R3HDM1: variants seen among roughly 807,000 people sequenced by gnomAD.
R3HDM1 encodes R3H domain-containing protein 1.
Under a neutral mutation model 141.1 loss-of-function variants are expected in R3HDM1, and 46 were observed. The observed-to-expected ratio is 0.33, with a 90% CI of 0.26 to 0.42. The LOEUF is 0.42. Among genes scored for constraint, R3HDM1 ranks in the 10% least tolerant of loss-of-function variants. The pLI is 1.00. For missense variants in R3HDM1, 1,184 were observed against 1,368.3 expected (o/e 0.87, Z 2.12); for synonymous variants, 435 against 472.9 (o/e 0.92, Z 1.04).
chr2:135,619,900 T>C (rs529891098), intron 5 of R3HDM1: 29 of 185,842 alleles, frequency 1.6e-4, no homozygotes, highest in African/African-American at 5.7e-4. Flanking sequence ...AGTAAAGGAA[T>C]TGCAGTTTCC....
chr2:135,600,091 A>G (rs1228443064), intron 1 of R3HDM1, among the ~76,000 whole-genome samples: 1 of 150,660 alleles, frequency 6.6e-6, no homozygotes, highest in Non-Finnish European at 1.5e-5. Context: ...AGAAGAATAC[A>G]AAGTTCGTAT....
At chr2:135,702,443 A>G (rs2074349515) in intron 21 of R3HDM1, among the ~76,000 whole-genome samples, 1 of 151,886 alleles carries the variant, frequency 6.6e-6, no homozygotes, top group African/African-American at 2.4e-5. Flanking sequence ...GGCGGATCAC[A>G]AGGTCAGGAG....
rs2105248665 is a variant in R3HDM1, at chr2:135,641,717, C to A, written c.1401C>A (p.Ser467Arg). 6.2e-7 allele frequency: 1 copy of A among 1,614,136 alleles called. No individual in the cohort carries two copies. The highest frequency in any genetic ancestry group is 8.5e-7 in the Non-Finnish European group (1 of 1,179,986). Residue 467 changes from serine to arginine, a missense_variant, in exon 15 of 27, where the codon AGC becomes AGA. Ser to Arg is a moderately radical substitution (Grantham distance 110). Transcript: ENST00000683871. ...TAAATGGGCAAGTCGCATCTCCTAG[C>A]ACTAGCTTCTTTTTGCTTCCCTTGG... is the stretch of plus-strand genomic sequence containing the variant. ...GGLNGQVASP[S>R]TSFFLLPLEA...
intron 14 of R3HDM1, among the ~76,000 whole-genome samples, chr2:135,641,154 G>T (rs564282786): frequency 6.6e-6 from 1 of 152,234 alleles, no homozygotes; most frequent in Admixed American, 6.5e-5. Flanking sequence ...TGGGCATTTT[G>T]CTGTACTAAA....
intron 19 of R3HDM1, among the ~76,000 whole-genome samples, chr2:135,671,895 A>G (rs1371948269): frequency 6.6e-6 from 1 of 151,930 alleles, no homozygotes; most frequent in Non-Finnish European, 1.5e-5. Context: ...AGAATTACTT[A>G]AACCCAGGAG....
intron 24 of R3HDM1, among the ~76,000 whole-genome samples, chr2:135,718,938 G>A (rs979955145): frequency 1.3e-5 from 2 of 152,038 alleles, no homozygotes; most frequent in South Asian, 2.1e-4. Context: ...AGGAGGTCAC[G>A]AGTTTGAGAC....
chr2:135,561,622 T>A (rs7605881), intron 1 of R3HDM1, among the ~76,000 whole-genome samples: 4,810 of 151,894 alleles, frequency 0.032, 244 homozygotes, highest in African/African-American at 0.11. Context: ...GGAGGCTCAG[T>A]TGGAAGCATC....
At chr2:135,646,761 A>C (rs923410966) in intron 16 of R3HDM1, among the ~76,000 whole-genome samples, 1 of 151,534 alleles carries the variant, frequency 6.6e-6, no homozygotes, top group Non-Finnish European at 1.5e-5. Context: ...AGGCAGGAGA[A>C]TCACTTGAAC....
chr2:135,715,794 A>G lies in R3HDM1; in HGVS notation c.2881+100A>G, dbSNP rs1182843010. 10 of 1,400,308 alleles carry G rather than the reference A, an allele frequency of 7.1e-6. No homozygotes were observed. The South Asian group carries it at 9.8e-5, about 14-fold the overall frequency. 86.7% of individuals were successfully genotyped at this position (1,400,308 alleles called of 1,614,324 possible). A position where few individuals can be genotyped will look rare whatever the true frequency, so the allele number is the denominator to read the frequency against. On this transcript the variant is annotated intron_variant, in intron 24 of 26. Coordinates refer to ENST00000683871, the MANE Select transcript of R3HDM1 (RefSeq NM_001378107.1). ...TGGTAATATTGCCTTTCTATTTTCC[A>G]TAGAGCTGCATCTTCACCTACACTC... is the stretch of plus-strand genomic sequence containing the variant.
intron 21 of R3HDM1, among the ~76,000 whole-genome samples, chr2:135,681,690 C>T (rs72970218): frequency 0.042 from 6,314 of 152,126 alleles, 451 homozygotes; most frequent in African/African-American, 0.15. Flanking sequence ...CCCTCTGACG[C>T]CAAAAGGTCA....
At chr2:135,576,990 A>T in intron 1 of R3HDM1, 2 of 590,682 alleles carry the variant, frequency 3.4e-6, no homozygotes, top group Non-Finnish European at 4.3e-6. Context: ...GAATGAATTT[A>T]AATGGATGAA....
At chr2:135,612,004 C>G (rs542971736) in intron 3 of R3HDM1, among the ~76,000 whole-genome samples, 1 of 152,296 alleles carries the variant, frequency 6.6e-6, no homozygotes, top group African/African-American at 2.4e-5. Context: ...TCTCCACATA[C>G]TTTTCGTTAG....
chr2:135,658,780 TTATTC>T (rs1260282341), intron 18 of R3HDM1, among the ~76,000 whole-genome samples: 12 of 152,340 alleles, frequency 7.9e-5, no homozygotes, highest in Admixed American at 6.5e-4. Flanking sequence ...CTTTATATCC[TTATTC>T]TAAAGTCTTC....
At chr2:135,652,239 G>A (rs1014432731) in intron 18 of R3HDM1, among the ~76,000 whole-genome samples, 1 of 152,192 alleles carries the variant, frequency 6.6e-6, no homozygotes, top group Non-Finnish European at 1.5e-5. Context: ...GGTTGGTAAA[G>A]TATGTGAGCT....
chr2:135,654,118 T>A (rs958474536), intron 18 of R3HDM1, among the ~76,000 whole-genome samples: 1 of 152,170 alleles, frequency 6.6e-6, no homozygotes. Context: ...TGTTAGGCAG[T>A]TGCTACTTGT....
intron 1 of R3HDM1, chr2:135,581,508 A>G (rs1182099322): frequency 1.6e-6 from 1 of 615,512 alleles, no homozygotes; most frequent in Non-Finnish European, 2.0e-6. Context: ...ATCTTTCCTC[A>G]CCACTTATTA....
intron 26 of R3HDM1, 24 bp downstream of exon 26, chr2:135,722,577 A>G: frequency 6.2e-7 from 1 of 1,602,828 alleles, no homozygotes; most frequent in Non-Finnish European, 8.5e-7. Context: ...GGGCAACTAG[A>G]TGTGGGTCTG....
intron 18 of R3HDM1, among the ~76,000 whole-genome samples, chr2:135,659,015 C>T (rs1372245653): frequency 1.3e-5 from 2 of 149,744 alleles, no homozygotes; most frequent in Non-Finnish European, 2.9e-5. Context: ...ACAATGCCTT[C>T]TTCTGAAATA....
Position 135,632,002 on chromosome 2 carries a change from G to A in R3HDM1, c.698+1G>A. 1 of 1,596,964 alleles carries A rather than the reference G, an allele frequency of 6.3e-7. No individual in the cohort carries two copies. The highest frequency in any genetic ancestry group is 1.1e-5 in the South Asian group (1 of 88,134). ...TAAACAAAACTAGCAATACAAGAAT[G>A]TAAGTGTCAAGAGATGTAACTACAT... On this transcript the variant is annotated splice_donor_variant, in intron 9 of 26. Coordinates refer to ENST00000683871, the MANE Select transcript of R3HDM1 (RefSeq NM_001378107.1). LOFTEE classifies it high-confidence loss of function.
Sources: allele counts gnomAD v4.1 joint callset (sites outside exome capture counted in the v4.1 genomes callset), GRCh38; gene constraint gnomAD v4.1.1; transcripts MANE v1.5; gene names NCBI Gene and HGNC (gene_info 2026-07-23, HGNC 2026-07-21).